The following FCGRT variants were observed in gnomAD, a reference collection of about 807,000 sequenced individuals.
FCGRT encodes Fc gamma receptor and transporter, also known as IgG receptor FcRn large subunit p51.
FCGRT carries 13 observed loss-of-function variants against 35.7 expected under a neutral mutation model. That is an observed-to-expected ratio of 0.36 (90% CI 0.24 to 0.58). The LOEUF (loss-of-function observed/expected upper bound fraction) is 0.58, where lower values mean the gene tolerates loss of function less well. Ranked by LOEUF, FCGRT falls within the 20% of genes least tolerant of loss-of-function variation. The pLI is 0.77. For missense variants in FCGRT, 455 were observed against 474.9 expected, an observed-to-expected ratio of 0.96 and a Z score of 0.39; for synonymous variants, 233 against 216.5, an observed-to-expected ratio of 1.08 and a Z score of -0.67.
rs778398186 is a variant in FCGRT, at chr19:49,514,016, C to T, written c.208C>T (p.Pro70Ser). 2 of 1,612,898 alleles carry T rather than the reference C, an allele frequency of 1.2e-6. No homozygotes were observed. The highest frequency in any genetic ancestry group is 2.2e-5 in the South Asian group (2 of 91,088). Residue 70 changes from proline (P) to serine (S), a missense_variant, in exon 3 of 7, where the codon CCC becomes TCC. Physicochemically the swap from Pro to Ser is moderately conservative, Grantham distance 74 (BLOSUM62 -1). Around this residue, in one of 3 missense-constraint regions of FCGRT, gnomAD observed 136 missense variants for 158.9 expected, o/e 0.86. Transcript: ENST00000221466. ...CAATAGCCTGCGGGGCGAGGCGGAG[C>T]CCTGTGGAGCTTGGGTCTGGGAAAA... ...SYNSLRGEAEPCGAWVWENQV... is the reference protein window; with the variant it reads ...SYNSLRGEAESCGAWVWENQV...
At chr19:49,513,364 T>C in intron 1 of FCGRT, 23 bp from the exon 2 acceptor site, 1 of 683,388 alleles carries the variant, frequency 1.5e-6, no homozygotes, top group Non-Finnish European at 1.9e-6. Context: ...TCGGGAGGAG[T>C]CACGTGCCCC....
chr19:49,514,124 G>C lies in FCGRT; in HGVS notation c.316G>C (p.Gly106Arg), dbSNP rs201043787. 1.1e-5 allele frequency: 18 copies of C among 1,613,000 alleles called. No individual in the cohort carries two copies. The East Asian group carries it at 2.5e-4, about 22-fold the overall frequency. Residue 106 changes from glycine to arginine, a missense_variant, in exon 3 of 7, where the codon GGG (glycine) becomes CGG (arginine). Physicochemically the swap from Gly to Arg is moderately radical, Grantham distance 125 (BLOSUM62 -2). This residue lies in a region of FCGRT where 136 missense variants were observed against 158.9 expected (regional missense o/e 0.86). Coordinates refer to ENST00000221466, the MANE Select transcript of FCGRT (RefSeq NM_001136019.3). ...KLFLEAFKAL[G>R]GKGPYTLQGL... Reference sequence around the variant, plus strand: ...CTTTCTGGAAGCTTTCAAAGCTTTGGGGGGAAAAGGTGAGATTCCGGTCTG... The same window carrying C: ...CTTTCTGGAAGCTTTCAAAGCTTTGCGGGGAAAAGGTGAGATTCCGGTCTG...
rs908047692 is a variant in FCGRT, at chr19:49,513,331, G to A, written c.-14-56G>A. On this transcript the variant is annotated intron_variant, in intron 1 of 6. Transcript: ENST00000221466. ...GTCCCGGCCGTGCCCGCGGTGTCCC[G>A]GGAGGAAGGGGCGGGCCGGGGGTCG... The A allele has an allele frequency of 3.8e-5, 35 of 925,972 alleles. No homozygotes were observed. In the East Asian group the frequency reaches 1.1e-3, roughly 29 times the overall value. 57.4% of individuals were successfully genotyped at this position (925,972 alleles called of 1,614,324 possible). A position where few individuals can be genotyped will look rare whatever the true frequency, so the allele number is the denominator to read the frequency against.
intron 4 of FCGRT, among the ~76,000 whole-genome samples, chr19:49,518,368 T>C (rs1041780671): frequency 8.6e-5 from 13 of 151,462 alleles, no homozygotes; most frequent in Non-Finnish European, 1.6e-4. Context: ...TTCTTTTTTT[T>C]TTTTTTTTTC....
chr19:49,524,334 C>T (rs1287851055), intron 4 of FCGRT, among the ~76,000 whole-genome samples, 173 bp from the exon 5 acceptor site: 1 of 152,168 alleles, frequency 6.6e-6, no homozygotes, highest in Non-Finnish European at 1.5e-5. Context: ...GAGGGGACAC[C>T]TTCGGGGTGG....
chr19:49,525,407 G>C (rs1453333523), intron 5 of FCGRT, 50 bp from the exon 6 acceptor site: 2 of 1,369,430 alleles, frequency 1.5e-6, no homozygotes, highest in Non-Finnish European at 2.1e-6. Context: ...TGTCCTGACT[G>C]GGTGGGGTGG....
At chr19:49,525,940 TGGG>T (rs1183071887) in intron 6 of FCGRT, 67 bp from the exon 7 acceptor site, 22 of 912,318 alleles carry the variant, frequency 2.4e-5, no homozygotes, top group East Asian at 2.2e-4. Context: ...CACACACAAA[TGGG>T]GGACGCCAGT....
In FCGRT at chr19:49,516,618, G is replaced by A. The variant is rs150797022; in HGVS notation, c.601+2132G>A. ...GTCGCCCAGACTGCAGTACTGTGGC[G>A]CAATCTTGGCTCACTGCAACCTCCG... is the stretch of plus-strand genomic sequence containing the variant. On this transcript the variant is annotated intron_variant, in intron 4 of 6. Transcript: ENST00000221466. Among the ~76,000 whole-genome samples, 763 of 149,342 alleles carry A rather than the reference G, an allele frequency of 5.1e-3. 18 individuals are homozygous for A. The highest frequency in any genetic ancestry group is 0.04 in the Admixed American group (592 of 14,864).
Position 49,524,606 on chromosome 19 carries a change from G to C in FCGRT, c.701G>C (p.Arg234Pro). 6.2e-7 allele frequency: 1 copy of C among 1,611,530 alleles called. No homozygotes were observed. Among genetic ancestry groups the C allele is most frequent in the Non-Finnish European group, 8.5e-7 (1 of 1,180,018 alleles). ...FSFYPPELQL[R>P]FLRNGLAAGT... ...TTCTACCCTCCGGAGCTGCAACTTC[G>C]GTTCCTGCGGAATGGGCTGGCCGCT... Residue 234 changes from arginine to proline, a missense_variant, in exon 5 of 7, where the codon CGG (arginine) becomes CCG (proline). By Grantham distance (103) the Arg-to-Pro change is moderately radical (BLOSUM62 -2). Around this residue, in one of 3 missense-constraint regions of FCGRT, gnomAD observed 312 missense variants for 296.1 expected, o/e 1.05. Transcript: ENST00000221466.
In FCGRT at chr19:49,513,445, CT is replaced by C; in HGVS notation, c.48del (p.Leu17SerfsTer43). 8.0e-7 allele frequency: 1 copy of C among 1,244,850 alleles called. No homozygotes were observed. The allele number at this position is 1,244,850 out of a possible 1,614,324, so 77.1% of individuals were successfully genotyped here. A position where few individuals can be genotyped will look rare whatever the true frequency, so the allele number is the denominator to read the frequency against. On this transcript the variant is annotated frameshift_variant, in exon 2 of 7. Coordinates refer to ENST00000221466, the MANE Select transcript of FCGRT (RefSeq NM_001136019.3). LOFTEE classifies it high-confidence loss of function. ...AGCCCTGGGCGCTGGGGCTCCTGCT[CT>C]TTCTCCTTCCTGGGAGCCTGGGCGC... is the stretch of plus-strand genomic sequence containing the variant. ...PQPWALGLLL[F>X]LLPGSLGAES... is the part of the protein sequence containing the mutation.
At chr19:49,519,419 A>C in intron 4 of FCGRT, among the ~76,000 whole-genome samples, 1 of 152,086 alleles carries the variant, frequency 6.6e-6, no homozygotes, top group East Asian at 1.9e-4. Flanking sequence ...ATTTTCAGGT[A>C]ATTTGAGTTA....
chr19:49,524,481 A>T, intron 4 of FCGRT, 26 bp from the exon 5 acceptor site: 1 of 1,598,294 alleles, frequency 6.3e-7, no homozygotes, highest in Non-Finnish European at 8.5e-7. Context: ...CTCGCGACTT[A>T]GGCCTGTCTG....
At chr19:49,521,240 T>C (rs1036788678) in intron 4 of FCGRT, 2 of 152,146 alleles carry the variant, frequency 1.3e-5, no homozygotes, top group East Asian at 3.9e-4. Context: ...TTCTATTTTT[T>C]GTAGAGATGG....
intron 4 of FCGRT, among the ~76,000 whole-genome samples, chr19:49,514,762 C>T (rs1458000859): frequency 5.3e-5 from 8 of 150,602 alleles, no homozygotes; most frequent in Admixed American, 2.7e-4. Context: ...GGCGCGATCT[C>T]GGCTCACCAC....
At chr19:49,519,826 C>CT (rs57437959) in intron 4 of FCGRT, among the ~76,000 whole-genome samples, 3,482 of 116,822 alleles carry the variant, frequency 0.03, 131 homozygotes, top group African/African-American at 0.065. Context: ...TTGCCTTAAT[C>CT]TTTTTTTTTT....
chr19:49,513,601 T>G (rs1601185950), intron 2 of FCGRT, 128 bp downstream of exon 2: 2 of 516,366 alleles, frequency 3.9e-6, no homozygotes, highest in East Asian at 7.0e-5. Context: ...TCCGCTCAAT[T>G]AACTTTCTCA....
intron 4 of FCGRT, among the ~76,000 whole-genome samples, chr19:49,516,420 T>C (rs1278047482): frequency 1.5e-5 from 2 of 136,256 alleles, no homozygotes; most frequent in East Asian, 4.2e-4. Flanking sequence ...TTTTTGTTTG[T>C]TTTTTTTTTT....
rs1350216434 is a variant in FCGRT, at chr19:49,514,991, T to TC, written c.601+511dup. Among the ~76,000 whole-genome samples the TC allele has an allele frequency of 1.1e-4, 16 of 143,108 alleles. 1 individual carries two copies. The highest frequency in any genetic ancestry group is 7.3e-3 in the Middle Eastern group (2 of 274). The allele number at this position is 143,108 out of a possible 152,430, so 93.9% of individuals were successfully genotyped here. A position where few individuals can be genotyped will look rare whatever the true frequency, so the allele number is the denominator to read the frequency against. On this transcript the variant is annotated intron_variant, in intron 4 of 6. Transcript: ENST00000221466. ...ACAGGCATGAGCTACTGCTCCTGGC[T>TC]CCCCCCTTTTTTTTTTTTTTGAGAC...
At chr19:49,518,515 G>A (rs1056671532) in intron 4 of FCGRT, among the ~76,000 whole-genome samples, 2 of 151,430 alleles carry the variant, frequency 1.3e-5, no homozygotes, top group African/African-American at 2.4e-5. Context: ...ACAGGTGCAC[G>A]CCATCAGGCC....
Sources: gnomAD v4.1 joint callset for allele counts (sites outside exome capture counted in the v4.1 genomes callset) on GRCh38, gnomAD v4.1.1 for gene constraint, gnomAD v4.1.1 regional missense constraint, MANE v1.5 for transcripts, NCBI Gene and HGNC (gene_info 2026-07-23, HGNC 2026-07-21) for gene names.